Variants in IL1RAPL1 observed in about 807,000 individuals in gnomAD.
The protein encoded by IL1RAPL1 is interleukin 1 receptor accessory protein like 1.
In IL1RAPL1, 3 loss-of-function variants were observed where a neutral mutation model predicts 48.4. The ratio of observed to expected loss-of-function variants is 0.06; its 90% confidence interval spans 0.03 to 0.16. The LOEUF is 0.16. Among genes scored for constraint, IL1RAPL1 ranks in the 10% least tolerant of loss-of-function variants. The pLI, the probability that IL1RAPL1 is intolerant of heterozygous loss-of-function variation, is 1.00. For missense variants in IL1RAPL1, 349 were observed against 530.6 expected, an observed-to-expected ratio of 0.66 and a Z score of 3.36; for synonymous variants, 185 against 187.7, an observed-to-expected ratio of 0.99 and a Z score of 0.12.
intron 5 of IL1RAPL1, among the ~76,000 whole-genome samples, chrX:29,419,168 C>T (rs772450107): frequency 8.1e-5 from 9 of 111,119 alleles, no homozygotes; most frequent in Non-Finnish European, 1.5e-4. Flanking sequence ...TTCTGGATGG[C>T]GGATGAAGGA....
intron 5 of IL1RAPL1, among the ~76,000 whole-genome samples, chrX:29,450,465 T>C (rs1934666478): frequency 8.9e-6 from 1 of 111,765 alleles, no homozygotes. Context: ...CAAATGAGCA[T>C]GGCTGTGTTC....
At chrX:29,946,945 C>A (rs762519503) in intron 9 of IL1RAPL1, among the ~76,000 whole-genome samples, 2 of 111,925 alleles carry the variant, frequency 1.8e-5, no homozygotes, top group South Asian at 7.5e-4. Context: ...TTTCCAAGAC[C>A]CATTGTACAC....
rs1203692297 is a variant in IL1RAPL1 at position 28,587,751 on chromosome X, C to G, written c.-321C>G. The G allele has an allele frequency of 1.3e-5, 1 of 76,122 alleles. No individual in the cohort carries two copies. The highest frequency in any genetic ancestry group is 2.4e-5 in the Non-Finnish European group (1 of 41,707). 6.3% of individuals were successfully genotyped at this position (76,122 alleles called of 1,213,427 possible). ...TTTCTATCTGCCTCTTCATTTTTCT[C>G]CTAGTCTGTTTTTTTTTTTCCTGCT... is the stretch of plus-strand genomic sequence containing the variant. On this transcript the variant is annotated 5_prime_UTR_variant, in exon 1 of 11. Coordinates refer to ENST00000378993, the MANE Select transcript of IL1RAPL1 (RefSeq NM_014271.4).
At chrX:28,927,174 T>C (rs1273476504) in intron 2 of IL1RAPL1, among the ~76,000 whole-genome samples, 1 of 111,504 alleles carries the variant, frequency 9.0e-6, no homozygotes, top group African/African-American at 3.3e-5. Flanking sequence ...GGATTACAGG[T>C]GTGAGCCACT....
At chrX:29,087,559 C>T (rs1927981828) in intron 2 of IL1RAPL1, among the ~76,000 whole-genome samples, 1 of 111,781 alleles carries the variant, frequency 8.9e-6, no homozygotes, top group Admixed American at 9.5e-5. Flanking sequence ...ACCATATTCT[C>T]TTGTATTGAG....
At chrX:28,806,621 T>C (rs1936734962) in intron 2 of IL1RAPL1, among the ~76,000 whole-genome samples, 1 of 111,198 alleles carries the variant, frequency 9.0e-6, no homozygotes, top group Non-Finnish European at 1.9e-5. Context: ...GGTGTTTAAT[T>C]TTAATTCAGA....
At chrX:28,998,953 C>T (rs1416140855) in intron 2 of IL1RAPL1, among the ~76,000 whole-genome samples, 1 of 111,711 alleles carries the variant, frequency 9.0e-6, no homozygotes, top group Non-Finnish European at 1.9e-5. Context: ...TCCATACCTT[C>T]CTGTCTCTAG....
intron 5 of IL1RAPL1, among the ~76,000 whole-genome samples, chrX:29,615,801 A>T (rs1166679870): frequency 8.9e-6 from 1 of 112,531 alleles, no homozygotes; most frequent in Non-Finnish European, 1.9e-5. Flanking sequence ...AATAATATGT[A>T]TCTATTTTTG....
chrX:29,597,097 G>T (rs775159854), intron 5 of IL1RAPL1, among the ~76,000 whole-genome samples: 92 of 109,525 alleles, frequency 8.4e-4, no homozygotes, highest in Non-Finnish European at 1.5e-3. Context: ...GATAATGGTG[G>T]CTTATCTTTT....
intron 2 of IL1RAPL1, among the ~76,000 whole-genome samples, chrX:28,797,597 C>T (rs149409068): frequency 0.068 from 7,557 of 111,469 alleles, 438 homozygotes; most frequent in African/African-American, 0.2. Flanking sequence ...ACAAGTTCCT[C>T]ATCTCCATCT....
intron 5 of IL1RAPL1, among the ~76,000 whole-genome samples, chrX:29,401,627 A>G (rs1173521969): frequency 9.1e-6 from 1 of 109,780 alleles, no homozygotes; most frequent in African/African-American, 3.3e-5. Context: ...ATTATGGAAA[A>G]CATAATATTA....
At chrX:29,888,340 C>T (rs983995440) in intron 6 of IL1RAPL1, among the ~76,000 whole-genome samples, 3 of 109,552 alleles carry the variant, frequency 2.7e-5, no homozygotes, top group African/African-American at 1.0e-4. Context: ...TCTCCTGCCT[C>T]AGCTTCCTGA....
chrX:29,342,123 T>G (rs1398467829), intron 3 of IL1RAPL1, among the ~76,000 whole-genome samples: 2 of 96,003 alleles, frequency 2.1e-5, no homozygotes, highest in Non-Finnish European at 4.1e-5. Flanking sequence ...TGTGTGTGTG[T>G]GTGTGTGTGT....
chrX:29,432,169 T>C (rs942334675), intron 5 of IL1RAPL1, among the ~76,000 whole-genome samples: 2 of 111,560 alleles, frequency 1.8e-5, no homozygotes, highest in African/African-American at 3.2e-5. Context: ...CTTGACTAAC[T>C]TTAGATAGAT....
chrX:29,809,776 C>CG (rs770202489), intron 6 of IL1RAPL1, among the ~76,000 whole-genome samples: 5 of 94,809 alleles, frequency 5.3e-5, no homozygotes, highest in African/African-American at 1.9e-4. Context: ...AAGTCGTTAA[C>CG]TTTTTTTTTT....
chrX:28,821,116 TA>T (rs1474186045), intron 2 of IL1RAPL1, among the ~76,000 whole-genome samples: 3 of 111,843 alleles, frequency 2.7e-5, no homozygotes, highest in East Asian at 5.6e-4. Flanking sequence ...CCTGCATTTT[TA>T]AAAGAACAAA....
At position 29,917,564 on chromosome X, in the gene IL1RAPL1, G is replaced by A. The variant is rs1225420968; in HGVS notation, c.879G>A (p.Leu293=). ...WMKGEKFIED[L]DENRVWESDI... Reference sequence around the variant, plus strand: ...AAGGAGAAAAATTTATTGAAGATCTGGATGAAAATCGAGTTTGGGAAAGTG... The same window carrying A: ...AAGGAGAAAAATTTATTGAAGATCTAGATGAAAATCGAGTTTGGGAAAGTG... Residue 293 remains leucine, a synonymous_variant, in exon 7 of 11, where the codon CTG becomes CTA. Coordinates refer to ENST00000378993, the MANE Select transcript of IL1RAPL1 (RefSeq NM_014271.4). 3.4e-5 allele frequency: 41 copies of A among 1,206,895 alleles called. No homozygotes were observed. The highest frequency in any genetic ancestry group is 4.4e-5 in the Non-Finnish European group (39 of 892,932).
At chrX:29,193,766 C>A (rs1440859398) in intron 2 of IL1RAPL1, among the ~76,000 whole-genome samples, 1 of 111,077 alleles carries the variant, frequency 9.0e-6, no homozygotes, top group Non-Finnish European at 1.9e-5. Context: ...CACACATAGG[C>A]AAATAAATTC....
chrX:29,836,903 C>T (rs1338278287), intron 6 of IL1RAPL1, among the ~76,000 whole-genome samples: 2 of 110,294 alleles, frequency 1.8e-5, no homozygotes, highest in African/African-American at 3.3e-5. Context: ...AATTTGAACC[C>T]AGGAAGTCAG....
Sources: allele counts gnomAD v4.1 joint callset (sites outside exome capture counted in the v4.1 genomes callset), GRCh38; gene constraint gnomAD v4.1.1; transcripts MANE v1.5; gene names NCBI Gene and HGNC (gene_info 2026-07-23, HGNC 2026-07-21).